TSHZ2: variants seen among roughly 807,000 people sequenced by gnomAD.
TSHZ2 encodes teashirt zinc finger homeobox 2.
In TSHZ2, 21 loss-of-function variants were observed where a neutral mutation model predicts 74.4. The ratio of observed to expected loss-of-function variants is 0.28; its 90% CI spans 0.20 to 0.41. The LOEUF (loss-of-function observed/expected upper bound fraction) is 0.41, where lower values mean the gene tolerates loss of function less well. TSHZ2 is among the 10% of genes least tolerant of loss of function. The probability of loss-of-function intolerance (pLI) is 1.00; values close to 1 mark genes in which losing one functional copy is unlikely to be tolerated. For synonymous variants in TSHZ2, 540 were observed against 515.3 expected (o/e 1.05, Z -0.65); for missense variants, 1,244 against 1,293.5 (o/e 0.96, Z 0.59).
chr20:53,142,189 T>A (rs377165933), intron 1 of TSHZ2, among the ~76,000 whole-genome samples: 2 of 151,910 alleles, frequency 1.3e-5, no homozygotes, highest in African/African-American at 4.8e-5. Context: ...GATTGAAGAG[T>A]ACAGGGGAAA....
At position 53,078,936 on chromosome 20, in the gene TSHZ2, C is replaced by T. The variant is rs1600679508; in HGVS notation, c.40+105603C>T. Among the ~76,000 whole-genome samples, 3 of 152,120 alleles carry T rather than the reference C, an allele frequency of 2.0e-5. No individual in the cohort carries two copies. In the South Asian group the frequency reaches 6.2e-4, roughly 32 times the overall value. On this transcript the variant is annotated intron_variant, in intron 1 of 2. Coordinates refer to ENST00000371497, the MANE Select transcript of TSHZ2 (RefSeq NM_173485.6). ...TGGATTTCAACATAATACCCAATTA[C>T]ATCAATGTCAAAGTCCTAGCAAATA...
Position 53,493,260 on chromosome 20 carries a change from C to T in TSHZ2, c.*6125C>T, listed in dbSNP as rs1343002059. The T allele has an allele frequency of 6.6e-6, 1 of 152,112 alleles. No homozygotes were observed. The highest frequency in any genetic ancestry group is 1.5e-5 in the Non-Finnish European group (1 of 68,010). The allele number at this position is 152,112 out of a possible 1,614,324, so 9.4% of individuals were successfully genotyped here. A position where few individuals can be genotyped will look rare whatever the true frequency, so the allele number is the denominator to read the frequency against. On this transcript the variant is annotated 3_prime_UTR_variant, in exon 3 of 3. Transcript: ENST00000371497. The stretch of plus-strand genomic sequence containing the variant: ...TTTCCTGGTCATTCTCTTTCAATAG[C>T]TTATGAAAGAATTAGATCTGAGTTT...
intron 2 of TSHZ2, among the ~76,000 whole-genome samples, chr20:53,385,995 T>C (rs1982030599): frequency 6.6e-6 from 1 of 152,142 alleles, no homozygotes; most frequent in Admixed American, 6.5e-5. Flanking sequence ...AACCGCACCT[T>C]CATTTTTAAG....
chr20:53,459,246 T>C (rs150199828), intron 2 of TSHZ2, among the ~76,000 whole-genome samples: 11,525 of 152,208 alleles, frequency 0.076, 543 homozygotes, highest in South Asian at 0.23. Flanking sequence ...TGCTCCTGTA[T>C]TGGGTGCATA....
chr20:53,383,278 A>G (rs1044230307), intron 2 of TSHZ2, among the ~76,000 whole-genome samples: 6 of 124,784 alleles, frequency 4.8e-5, no homozygotes, highest in African/African-American at 2.1e-4. Flanking sequence ...AAAAAAGAAA[A>G]AAAGAAAAAG....
At chr20:53,272,492 A>G (rs1031297948) in intron 2 of TSHZ2, among the ~76,000 whole-genome samples, 1 of 152,190 alleles carries the variant, frequency 6.6e-6, no homozygotes, top group African/African-American at 2.4e-5. Flanking sequence ...AGAAAGGGAC[A>G]TGCTATCTAG....
chr20:53,196,479 C>A (rs1430052748), intron 1 of TSHZ2: 1 of 151,486 alleles, frequency 6.6e-6, no homozygotes, highest in Non-Finnish European at 1.5e-5. Flanking sequence ...GGCCTGATTG[C>A]GGTCAACTCA....
At chr20:53,278,776 G>A (rs909557187) in intron 2 of TSHZ2, among the ~76,000 whole-genome samples, 2 of 152,056 alleles carry the variant, frequency 1.3e-5, no homozygotes, top group African/African-American at 4.8e-5. Flanking sequence ...TCTACAAAGG[G>A]CCAGATAGTA....
At chr20:53,220,336 G>T (rs1215246583) in intron 1 of TSHZ2, among the ~76,000 whole-genome samples, 1 of 152,202 alleles carries the variant, frequency 6.6e-6, no homozygotes, top group Non-Finnish European at 1.5e-5. Context: ...ACACACACTT[G>T]TCTAAAGGTG....
intron 1 of TSHZ2, among the ~76,000 whole-genome samples, chr20:53,010,275 A>C (rs1052575040): frequency 1.3e-5 from 2 of 152,176 alleles, no homozygotes; most frequent in Non-Finnish European, 2.9e-5. Flanking sequence ...ACCACATTGC[A>C]TCACATGGCA....
chr20:53,365,579 G>C (rs1350578177), intron 2 of TSHZ2, among the ~76,000 whole-genome samples: 2 of 152,196 alleles, frequency 1.3e-5, no homozygotes, highest in African/African-American at 4.8e-5. Context: ...GAGGTGACCA[G>C]CTAGATGCTG....
chr20:53,298,783 G>T (rs1476366023), intron 2 of TSHZ2, among the ~76,000 whole-genome samples: 2 of 152,234 alleles, frequency 1.3e-5, no homozygotes, highest in Non-Finnish European at 2.9e-5. Flanking sequence ...GTGAAATCTA[G>T]TCTCCCTCCT....
At chr20:53,466,400 G>T (rs560711583) in intron 2 of TSHZ2, among the ~76,000 whole-genome samples, 1 of 152,176 alleles carries the variant, frequency 6.6e-6, no homozygotes, top group African/African-American at 2.4e-5. Flanking sequence ...CTGTGTCCAT[G>T]CAGTGAATCT....
intron 2 of TSHZ2, among the ~76,000 whole-genome samples, chr20:53,420,486 T>C (rs1330563114): frequency 6.6e-6 from 1 of 152,044 alleles, no homozygotes; most frequent in Non-Finnish European, 1.5e-5. Flanking sequence ...TCCCAGCACA[T>C]GAGGCCAAAG....
chr20:53,264,709 A>G (rs1990673715), intron 2 of TSHZ2, among the ~76,000 whole-genome samples: 1 of 152,230 alleles, frequency 6.6e-6, no homozygotes, highest in Non-Finnish European at 1.5e-5. Flanking sequence ...TTAGCCTTCA[A>G]GTTATTGTTC....
chr20:53,068,266 T>C (rs892288535), intron 1 of TSHZ2, among the ~76,000 whole-genome samples: 1 of 152,160 alleles, frequency 6.6e-6, no homozygotes, highest in Non-Finnish European at 1.5e-5. Context: ...TTCAGGTAAA[T>C]TCCAACACTT....
chr20:53,152,661 G>T (rs1011786835), intron 1 of TSHZ2, among the ~76,000 whole-genome samples: 3 of 152,170 alleles, frequency 2.0e-5, no homozygotes, highest in African/African-American at 7.2e-5. Flanking sequence ...ATCTAGATTG[G>T]ATCTGGCCCT....
At chr20:53,176,326 C>G (rs908251714) in intron 1 of TSHZ2, among the ~76,000 whole-genome samples, 4 of 152,192 alleles carry the variant, frequency 2.6e-5, no homozygotes, top group African/African-American at 9.7e-5. Context: ...TTGCTGAACA[C>G]CTGTAGCCAG....
rs1024605508 is a variant in TSHZ2 at position 53,490,713 on chromosome 20, G to C, written c.*3578G>C. On this transcript the variant is annotated 3_prime_UTR_variant, in exon 3 of 3. Coordinates refer to ENST00000371497, the MANE Select transcript of TSHZ2 (RefSeq NM_173485.6). Reference sequence around the variant, plus strand: ...GGCGCAAGCCGCTGAACTTAGTTGAGATGCAGAAAACAAACAAATGCAATG... The same window carrying C: ...GGCGCAAGCCGCTGAACTTAGTTGACATGCAGAAAACAAACAAATGCAATG... 1 of 152,250 alleles carries C rather than the reference G, an allele frequency of 6.6e-6. No homozygotes were observed. Among genetic ancestry groups the C allele is most frequent in the African/African-American group, 2.4e-5 (1 of 41,466 alleles). The allele number at this position is 152,250 out of a possible 1,614,324, so 9.4% of individuals were successfully genotyped here.
Sources: allele counts gnomAD v4.1 joint callset (sites outside exome capture counted in the v4.1 genomes callset), GRCh38; gene constraint gnomAD v4.1.1; transcripts MANE v1.5; gene names NCBI Gene and HGNC (gene_info 2026-07-23, HGNC 2026-07-21).